POLG: variants seen among roughly 807,000 people sequenced by gnomAD.
POLG encodes DNA polymerase subunit gamma-1.
Under a neutral mutation model 155.4 loss-of-function variants are expected in POLG, and 110 were observed. The ratio of observed to expected loss-of-function variants is 0.71; its 90% CI spans 0.61 to 0.83. The LOEUF is 0.83. Among genes scored for constraint, POLG ranks in the 40% least tolerant of loss-of-function variants. The pLI is 0.00. For missense variants in POLG, 1,685 were observed against 1,627.5 expected, an observed-to-expected ratio of 1.04 and a Z score of -0.61; for synonymous variants, 701 against 631.5, an observed-to-expected ratio of 1.11 and a Z score of -1.65.
At chr15:89,326,853 C>A (rs2055527326) in intron 8 of POLG, 59 bp downstream of exon 8, 1 of 1,610,480 alleles carries the variant, frequency 6.2e-7, no homozygotes, top group African/African-American at 1.3e-5. Flanking sequence ...CCCCCTCAAT[C>A]ACAGGACCTT....
chr15:89,321,220 G>A lies in POLG; in HGVS notation c.2639C>T (p.Ala880Val). 6.2e-7 allele frequency: 1 copy of A among 1,614,094 alleles called. No individual in the cohort carries two copies. Among genetic ancestry groups the A allele is most frequent in the African/African-American group, 1.3e-5 (1 of 75,072 alleles). Residue 880 changes from alanine to valine, a missense_variant, in exon 17 of 23, where the codon GCC becomes GTC. This residue lies in a region of POLG where 1,210 missense variants were observed against 1,167.1 expected (regional missense o/e 1.04). Coordinates refer to ENST00000268124, the MANE Select transcript of POLG (RefSeq NM_002693.3). ...ACCCACAAGGGTGTAGCCAGGTGGG[G>A]CCTGCACCATGGCTTTCAACTCACT... ...VGSELKAMVQ[A>V]PPGYTLVGAD... is the part of the protein sequence containing the mutation.
At chr15:89,326,031 C>T (rs879794172) in intron 9 of POLG, among the ~76,000 whole-genome samples, 15 of 152,288 alleles carry the variant, frequency 9.8e-5, no homozygotes, top group Admixed American at 9.8e-4. Flanking sequence ...CCCCACCCCT[C>T]TAGAGAAACA....
At chr15:89,332,948 TA>T in intron 2 of POLG, 147 bp downstream of exon 2, 1 of 1,063,792 alleles carries the variant, frequency 9.4e-7, no homozygotes, top group Non-Finnish European at 1.3e-6. Context: ...GAGTCCCACA[TA>T]AACAGGGGTC....
chr15:89,318,679 G>A lies in POLG; in HGVS notation c.3344C>T (p.Ala1115Val), dbSNP rs761584617. The A allele has an allele frequency of 6.2e-6, 10 of 1,614,006 alleles. No homozygotes were observed. Among genetic ancestry groups the A allele is most frequent in the Non-Finnish European group, 5.9e-6 (7 of 1,179,956 alleles). The change falls in exon 21 of 23, where the codon GCC (alanine) becomes GTC (valine). Residue 1115 changes from alanine to valine, a missense_variant. Coordinates refer to ENST00000268124, the MANE Select transcript of POLG (RefSeq NM_002693.3). ...AAACTCTTCAAACAGCCACTTCATG[G>A]CCACAAGCATGAGGTGTAAGTAGTC... ...AVDYLHLMLV[A>V]MKWLFEEFAI...
chr15:89,322,220 C>T (rs191665223), intron 14 of POLG, among the ~76,000 whole-genome samples: 4 of 152,348 alleles, frequency 2.6e-5, no homozygotes, highest in African/African-American at 7.2e-5. Context: ...ATCTGGGAAC[C>T]GGCCAGGCCT....
At position 89,317,430 on chromosome 15, in the gene POLG, A is replaced by G. The variant is rs1426811174; in HGVS notation, c.3589T>C (p.Cys1197Arg). 6.2e-7 allele frequency: 1 copy of G among 1,614,006 alleles called. No individual in the cohort carries two copies. Among genetic ancestry groups the G allele is most frequent in the Non-Finnish European group, 8.5e-7 (1 of 1,179,990 alleles). ...RCLRKEVTMD[C>R]KTPSNPTGME... The stretch of plus-strand genomic sequence containing the variant: ...CCAGTTGGGTTGGAAGGGGTTTTAC[A>G]ATCCATGGTCACTTCCTTCCTGAGG... Residue 1197 changes from cysteine to arginine, a missense_variant, in exon 22 of 23, where the codon TGT becomes CGT. Physicochemically the swap from Cys to Arg is radical, Grantham distance 180. Transcript: ENST00000268124.
At chr15:89,319,940 G>A (rs922653116) in intron 18 of POLG, among the ~76,000 whole-genome samples, 6 of 152,018 alleles carry the variant, frequency 3.9e-5, no homozygotes, top group African/African-American at 1.5e-4. Context: ...CCCACCACCT[G>A]CACCCACAGT....
At position 89,325,545 on chromosome 15, in the gene POLG, A is replaced by G. The variant is rs2152065876; in HGVS notation, c.1854T>C (p.His618=). The stretch of plus-strand genomic sequence containing the variant: ...GCCCAGGCACCAAGTAGCCCCAGCC[A>G]TGACGCTCTGAGTAGTGCAGAGGGA... ...DGFPLHYSER[H]GWGYLVPGRR... Residue 618 remains histidine (H), a synonymous_variant, in exon 10 of 23, where the codon CAT becomes CAC. Coordinates refer to ENST00000268124, the MANE Select transcript of POLG (RefSeq NM_002693.3). 2 of 1,613,452 alleles carry G rather than the reference A, an allele frequency of 1.2e-6. No homozygotes were observed. Among genetic ancestry groups the G allele is most frequent in the East Asian group, 2.2e-5 (1 of 44,880 alleles).
chr15:89,319,887 C>G (rs960639754), intron 18 of POLG, among the ~76,000 whole-genome samples: 2 of 152,160 alleles, frequency 1.3e-5, no homozygotes, highest in Non-Finnish European at 2.9e-5. Context: ...CAAGGCTTGT[C>G]GCCTGAAGGC....
rs1260783813 is a variant in POLG, at chr15:89,321,131, T to C, written c.2728A>G (p.Met910Val). Residue 910 changes from methionine to valine, a missense_variant, in exon 17 of 23, where the codon ATG (methionine) becomes GTG (valine). Physicochemically the swap from Met to Val is conservative, Grantham distance 21. Coordinates refer to ENST00000268124, the MANE Select transcript of POLG (RefSeq NM_002693.3). ...AACCCCGGCTCCTGCTCACCATGCA[T>C]GCCGGCAAAGTGGGCGTCTCCAAGC... ...AVLGDAHFAG[M>V]HGCTAFGWMT... The C allele has an allele frequency of 6.8e-6, 11 of 1,614,232 alleles. No individual in the cohort carries two copies. The highest frequency in any genetic ancestry group is 2.2e-5 in the South Asian group (2 of 91,088).
Position 89,326,961 on chromosome 15 carries a change from C to A in POLG, c.1536G>T (p.Lys512Asn). 6.2e-7 allele frequency: 1 copy of A among 1,614,250 alleles called. No homozygotes were observed. The highest frequency in any genetic ancestry group is 8.5e-7 in the Non-Finnish European group (1 of 1,180,046). Residue 512 changes from lysine to asparagine, a missense_variant, in exon 8 of 23, where the codon AAG becomes AAT. Transcript: ENST00000268124. ...KVKKEPATASKLPIEGAGAPG... is the reference protein window; with the variant it reads ...KVKKEPATASNLPIEGAGAPG... ...GGGCCCCAGCCCCCTCGATGGGCAACTTGCTGGCTGTGGCTGGTTCCTTCT... is the reference window on the plus strand; with the variant it reads ...GGGCCCCAGCCCCCTCGATGGGCAAATTGCTGGCTGTGGCTGGTTCCTTCT...
At chr15:89,319,165 C>G in intron 19 of POLG, 63 bp downstream of exon 19, 1 of 1,614,164 alleles carries the variant, frequency 6.2e-7, no homozygotes, top group South Asian at 1.1e-5. Flanking sequence ...AACAAAGCAT[C>G]CAAGCTCTTC....
At chr15:89,323,681 C>T (rs1368548126) in intron 12 of POLG, 134 bp downstream of exon 12, 1 of 855,612 alleles carries the variant, frequency 1.2e-6, no homozygotes, top group East Asian at 2.5e-5. Flanking sequence ...ACGTGTGGGG[C>T]CTCCCAGGGG....
intron 7 of POLG, 48 bp downstream of exon 7, chr15:89,327,119 C>T: frequency 6.2e-7 from 1 of 1,614,068 alleles, no homozygotes; most frequent in Non-Finnish European, 8.5e-7. Flanking sequence ...CTAGGCCGCC[C>T]ACCTGCCAGT....
Position 89,333,207 on chromosome 15 carries a change from T to TCCCCCTCGGGGCCGTACCGGGTCCAGCCC in POLG, c.519_547dup (p.Glu183GlyfsTer93). ...CTCGGGGATGGCCACGGGTACGGCC[T>TCCCCCTCGGGGCCGTACCGGGTCCAGCCC]CCCCCTCGGGGCCGTACCGGGTCCA... On this transcript the variant is annotated frameshift_variant, in exon 2 of 23. Coordinates refer to ENST00000268124, the MANE Select transcript of POLG (RefSeq NM_002693.3). LOFTEE classifies it high-confidence loss of function. The TCCCCCTCGGGGCCGTACCGGGTCCAGCCC allele has an allele frequency of 6.4e-7, 1 of 1,573,372 alleles. No individual in the cohort carries two copies. Among genetic ancestry groups the TCCCCCTCGGGGCCGTACCGGGTCCAGCCC allele is most frequent in the Non-Finnish European group, 8.6e-7 (1 of 1,156,368 alleles).
intron 2 of POLG, 100 bp from the exon 3 acceptor site, chr15:89,330,376 T>C (rs2055578638): frequency 3.2e-6 from 3 of 942,616 alleles, no homozygotes. Context: ...GATGGTGCAT[T>C]GGCAGCTGGG....
chr15:89,319,366 T>C lies in POLG; in HGVS notation c.2982-16A>G, dbSNP rs1567185886. Reference sequence around the variant, plus strand: ...CAGCCGATACCTGGGGGCAGTGTTATCACCATCATTCCACGGGAGTGCTTC... The same window carrying C: ...CAGCCGATACCTGGGGGCAGTGTTACCACCATCATTCCACGGGAGTGCTTC... On this transcript the variant is annotated splice_polypyrimidine_tract_variant and intron_variant, in intron 18 of 22. Transcript: ENST00000268124. 3.1e-6 allele frequency: 5 copies of C among 1,613,304 alleles called. No homozygotes were observed. The highest frequency in any genetic ancestry group is 1.7e-5 in the Admixed American group (1 of 60,026).
At position 89,323,851 on chromosome 15, in the gene POLG, G is replaced by T. The variant is rs755502359; in HGVS notation, c.2121C>A (p.Asn707Lys). The T allele has an allele frequency of 3.6e-5, 58 of 1,614,136 alleles. No individual in the cohort carries two copies. The highest frequency in any genetic ancestry group is 1.6e-4 in the Middle Eastern group (1 of 6,062). ...GTTGACCTGGCACTGCAGCTCGCAA[G>T]TTCTCCATCTTGGCCTCAGCCTCCA... The part of the protein sequence containing the change: ...LEVEAEAKME[N>K]LRAAVPGQPL... Residue 707 changes from asparagine (N) to lysine (K), a missense_variant, in exon 12 of 23, where the codon AAC becomes AAA. Physicochemically the swap from Asn to Lys is moderately conservative, Grantham distance 94 (BLOSUM62 0). This residue lies in a region of POLG where 1,210 missense variants were observed against 1,167.1 expected (regional missense o/e 1.04). Coordinates refer to ENST00000268124, the MANE Select transcript of POLG (RefSeq NM_002693.3).
rs1423346160 is a variant in POLG at position 89,320,750 on chromosome 15, G to A, written c.2981+16C>T. The A allele has an allele frequency of 5.0e-6, 8 of 1,611,904 alleles. No homozygotes were observed. The highest frequency in any genetic ancestry group is 6.8e-6 in the Non-Finnish European group (8 of 1,179,984). ...CGGGTCCTGGGTGTTAAAGTGGATG[G>A]GAGAGGGACCCTCACCAGCGGAGGC... On this transcript the variant is annotated intron_variant, in intron 18 of 22. Coordinates refer to ENST00000268124, the MANE Select transcript of POLG (RefSeq NM_002693.3).
Sources: gnomAD v4.1 joint callset for allele counts (sites outside exome capture counted in the v4.1 genomes callset) on GRCh38, gnomAD v4.1.1 for gene constraint, gnomAD v4.1.1 regional missense constraint, MANE v1.5 for transcripts, NCBI Gene and HGNC (gene_info 2026-07-23, HGNC 2026-07-21) for gene names.